CEP112: variants seen among roughly 807,000 people sequenced by gnomAD.
The protein encoded by CEP112 is centrosomal protein 112.
CEP112 carries 127 observed loss-of-function variants against 153.0 expected under a neutral mutation model. The ratio of observed to expected loss-of-function variants is 0.83; its 90% CI spans 0.72 to 0.96. The LOEUF (loss-of-function observed/expected upper bound fraction) is 0.96, where lower values mean the gene tolerates loss of function less well. CEP112 is among the 40% of genes least tolerant of loss of function. The pLI is 0.00. For missense variants in CEP112, 1,089 were observed against 1,101.2 expected, an observed-to-expected ratio of 0.99 and a Z score of 0.16; for synonymous variants, 358 against 374.4, an observed-to-expected ratio of 0.96 and a Z score of 0.51.
chr17:65,987,431 A>C (rs1838104), intron 17 of CEP112, among the ~76,000 whole-genome samples: 50,456 of 151,978 alleles, frequency 0.33, 9,757 homozygotes, highest in Non-Finnish European at 0.45. Flanking sequence ...AAGAGCTACA[A>C]AAGTGAAAAT....
Position 66,076,220 on chromosome 17 carries a change from A to C in CEP112, c.769-6219T>G, listed in dbSNP as rs181463683. Reference sequence around the variant, plus strand: ...AAGGCTCTGGGCCAGAACTCAGAGAAAGGTGCAAACCCAGTGTGCAGACTC... The same window carrying C: ...AAGGCTCTGGGCCAGAACTCAGAGACAGGTGCAAACCCAGTGTGCAGACTC... On this transcript the variant is annotated intron_variant, in intron 8 of 26. Transcript: ENST00000535342. 7.9e-4 allele frequency among the ~76,000 whole-genome samples: 116 copies of C among 147,440 alleles called. 2 individuals are homozygous for C. In the South Asian group the frequency reaches 9.2e-3, roughly 12 times the overall value.
chr17:66,143,088 T>C (rs1181560065), intron 4 of CEP112, among the ~76,000 whole-genome samples: 2 of 152,210 alleles, frequency 1.3e-5, no homozygotes, highest in Non-Finnish European at 1.5e-5. Flanking sequence ...GGTATTTTAT[T>C]TGATTTTTGT....
intron 8 of CEP112, among the ~76,000 whole-genome samples, chr17:66,079,686 A>C (rs530659118): frequency 3.3e-5 from 5 of 152,332 alleles, no homozygotes; most frequent in African/African-American, 1.2e-4. Context: ...ACCAAAGAAG[A>C]GCCCATACAG....
chr17:65,648,453 A>T (rs891737439), intron 24 of CEP112, among the ~76,000 whole-genome samples: 1 of 152,238 alleles, frequency 6.6e-6, no homozygotes, highest in Non-Finnish European at 1.5e-5. Context: ...TTTCCCTCCA[A>T]GGCACGGCAC....
intron 23 of CEP112, among the ~76,000 whole-genome samples, chr17:65,723,585 C>T (rs923478867): frequency 5.3e-5 from 8 of 152,132 alleles, no homozygotes; most frequent in Admixed American, 1.3e-4. Flanking sequence ...CTACTAGAAA[C>T]GGCAAGAATA....
At chr17:65,739,494 G>C (rs532833026) in intron 23 of CEP112, among the ~76,000 whole-genome samples, 1 of 152,268 alleles carries the variant, frequency 6.6e-6, no homozygotes, top group Non-Finnish European at 1.5e-5. Flanking sequence ...CCAGCACTTT[G>C]GGAGGCTGAG....
At chr17:65,761,475 T>C (rs1303040062) in intron 21 of CEP112, among the ~76,000 whole-genome samples, 1 of 152,062 alleles carries the variant, frequency 6.6e-6, no homozygotes, top group Non-Finnish European at 1.5e-5. Flanking sequence ...TTTTCTTGTT[T>C]CCCAAATGAA....
At chr17:65,884,112 A>T (rs1227637218) in intron 20 of CEP112, among the ~76,000 whole-genome samples, 2 of 152,212 alleles carry the variant, frequency 1.3e-5, no homozygotes, top group African/African-American at 4.8e-5. Context: ...ATAGTTGTTA[A>T]GGCCACTGAA....
chr17:66,058,367 T>C (rs2066788491), intron 11 of CEP112, among the ~76,000 whole-genome samples: 1 of 151,436 alleles, frequency 6.6e-6, no homozygotes, highest in African/African-American at 2.4e-5. Context: ...AAAACCAAAA[T>C]GTGAGAAAGA....
intron 16 of CEP112, among the ~76,000 whole-genome samples, chr17:66,022,906 A>C (rs1037043923): frequency 6.6e-6 from 1 of 152,108 alleles, no homozygotes; most frequent in African/African-American, 2.4e-5. Flanking sequence ...TAATTAAGAA[A>C]TTACAAAATA....
At chr17:65,862,567 A>G (rs2058345103) in intron 20 of CEP112, among the ~76,000 whole-genome samples, 1 of 152,216 alleles carries the variant, frequency 6.6e-6, no homozygotes, top group South Asian at 2.1e-4. Context: ...AGCCTGGGTG[A>G]CACAGTGAAA....
chr17:66,072,132 C>A (rs1381004206), intron 8 of CEP112, among the ~76,000 whole-genome samples: 2 of 152,040 alleles, frequency 1.3e-5, no homozygotes, highest in Non-Finnish European at 2.9e-5. Context: ...ATCTACCTCT[C>A]TATATATATA....
intron 24 of CEP112, among the ~76,000 whole-genome samples, chr17:65,659,189 CAT>C (rs2046222151): frequency 6.6e-6 from 1 of 151,988 alleles, no homozygotes; most frequent in Non-Finnish European, 1.5e-5. Flanking sequence ...TGTTGATAAA[CAT>C]ATAGTTTCCT....
chr17:66,057,898 G>GC (rs753403159), intron 11 of CEP112, among the ~76,000 whole-genome samples: 46 of 151,896 alleles, frequency 3.0e-4, no homozygotes, highest in Non-Finnish European at 5.2e-4. Context: ...TTCGATACCA[G>GC]CCTGGCCAAC....
chr17:65,876,174 G>T (rs1445872586), intron 20 of CEP112, among the ~76,000 whole-genome samples: 1 of 152,144 alleles, frequency 6.6e-6, no homozygotes, highest in Non-Finnish European at 1.5e-5. Context: ...TCCTGGACAA[G>T]ATCCACTGTT....
intron 21 of CEP112, among the ~76,000 whole-genome samples, chr17:65,802,739 C>T (rs2055355101): frequency 6.6e-6 from 1 of 152,208 alleles, no homozygotes; most frequent in African/African-American, 2.4e-5. Context: ...TATTTATCAT[C>T]TTATTCTAGG....
chr17:65,811,601 T>C (rs1470090494), intron 21 of CEP112, among the ~76,000 whole-genome samples: 1 of 152,166 alleles, frequency 6.6e-6, no homozygotes, highest in Non-Finnish European at 1.5e-5. Context: ...GGCTAATCCA[T>C]CCAACATCAT....
At chr17:65,739,499 G>A (rs1269538113) in intron 23 of CEP112, among the ~76,000 whole-genome samples, 1 of 152,176 alleles carries the variant, frequency 6.6e-6, no homozygotes. Context: ...ACTTTGGGAG[G>A]CTGAGGTGGG....
chr17:66,165,485 TAAG>T (rs2071915059), intron 4 of CEP112, among the ~76,000 whole-genome samples: 1 of 152,196 alleles, frequency 6.6e-6, no homozygotes, highest in Non-Finnish European at 1.5e-5. Context: ...AGGTAATATT[TAAG>T]AAGGTTTTAC....
Sources: allele counts gnomAD v4.1 joint callset (sites outside exome capture counted in the v4.1 genomes callset), GRCh38; gene constraint gnomAD v4.1.1; transcripts MANE v1.5; gene names NCBI Gene and HGNC (gene_info 2026-07-23, HGNC 2026-07-21).